Variants in WASHC5 observed in about 807,000 individuals in gnomAD.
WASHC5 encodes WASH complex subunit strumpellin.
WASHC5 carries 101 observed loss-of-function variants against 150.4 expected under a neutral mutation model. The observed-to-expected ratio is 0.67, with a 90% CI of 0.57 to 0.79. The LOEUF (loss-of-function observed/expected upper bound fraction) is 0.79, where lower values mean the gene tolerates loss of function less well. WASHC5 is among the 30% of genes least tolerant of loss of function. The probability of loss-of-function intolerance (pLI) is 0.00; values close to 1 mark genes in which losing one functional copy is unlikely to be tolerated. For missense variants in WASHC5, 1,195 were observed against 1,396.3 expected (o/e 0.86, Z 2.30); for synonymous variants, 467 against 491.2 (o/e 0.95, Z 0.65).
chr8:125,066,427 A>C (rs1019371059), intron 10 of WASHC5, among the ~76,000 whole-genome samples: 1 of 152,150 alleles, frequency 6.6e-6, no homozygotes, highest in Non-Finnish European at 1.5e-5. Flanking sequence ...TCCTGGGCCC[A>C]CCTGATCCAA....
At chr8:125,078,159 G>A (rs142400152) in intron 6 of WASHC5, among the ~76,000 whole-genome samples, 3 of 152,268 alleles carry the variant, frequency 2.0e-5, no homozygotes, top group East Asian at 3.9e-4. Context: ...AAAAGGAAGT[G>A]ACTACTACAC....
chr8:125,031,098 G>T (rs1028191481), intron 27 of WASHC5, among the ~76,000 whole-genome samples: 1 of 152,158 alleles, frequency 6.6e-6, no homozygotes, highest in African/African-American at 2.4e-5. Context: ...GTGCTGCCTG[G>T]AGAGGTAGCA....
At chr8:125,082,963 A>C (rs2130215843) in intron 3 of WASHC5, 150 bp downstream of exon 3, 1 of 571,896 alleles carries the variant, frequency 1.7e-6, no homozygotes, top group East Asian at 2.9e-5. Context: ...TAAGATGACC[A>C]GTGCCACAGG....
intron 10 of WASHC5, among the ~76,000 whole-genome samples, chr8:125,064,351 C>T (rs978717626): frequency 4.0e-5 from 6 of 151,090 alleles, no homozygotes; most frequent in Admixed American, 1.3e-4. Context: ...TATGGGCATG[C>T]GCCACTACAC....
Position 125,055,675 on chromosome 8 carries a change from T to A in WASHC5, c.2017-4A>T, listed in dbSNP as rs775033295. 2.5e-6 allele frequency: 4 copies of A among 1,581,906 alleles called. No homozygotes were observed. The highest frequency in any genetic ancestry group is 3.5e-6 in the Non-Finnish European group (4 of 1,150,980). The stretch of plus-strand genomic sequence containing the variant: ...TAGCATGAGTAAGCTTGGCAACCTA[T>A]AACAAAGAAAAAGAGGTATGAAAAA... On this transcript the variant is annotated splice_polypyrimidine_tract_variant and splice_region_variant and intron_variant, in intron 16 of 28. Coordinates refer to ENST00000318410, the MANE Select transcript of WASHC5 (RefSeq NM_014846.4).
At chr8:125,082,810 T>C (rs577683919) in intron 3 of WASHC5, 53 of 361,670 alleles carry the variant, frequency 1.5e-4, no homozygotes, top group African/African-American at 1.0e-3. Flanking sequence ...ATGATAAAGA[T>C]AAGTTCTTTT....
intron 12 of WASHC5, among the ~76,000 whole-genome samples, chr8:125,060,316 G>A (rs1489284104): frequency 6.6e-5 from 10 of 151,962 alleles, no homozygotes; most frequent in Admixed American, 2.0e-4. Flanking sequence ...GTGAAACCCC[G>A]TCTCTACTAA....
At chr8:125,052,420 T>C (rs1057178808) in intron 17 of WASHC5, among the ~76,000 whole-genome samples, 6 of 152,148 alleles carry the variant, frequency 3.9e-5, no homozygotes, top group African/African-American at 1.4e-4. Flanking sequence ...ACAGTAACTG[T>C]TTTCATATGG....
intron 17 of WASHC5, among the ~76,000 whole-genome samples, chr8:125,052,368 A>C (rs1172498316): frequency 6.6e-6 from 1 of 151,952 alleles, no homozygotes; most frequent in African/African-American, 2.4e-5. Context: ...ATCTTCACAC[A>C]CCCCTTCCTC....
intron 28 of WASHC5, among the ~76,000 whole-genome samples, chr8:125,027,184 T>C (rs901893845): frequency 1.3e-5 from 2 of 152,252 alleles, no homozygotes; most frequent in African/African-American, 4.8e-5. Flanking sequence ...GCTTGTTTTC[T>C]GATCTCTGTA....
At chr8:125,042,422 A>G (rs1436575224) in intron 23 of WASHC5, among the ~76,000 whole-genome samples, 1 of 152,192 alleles carries the variant, frequency 6.6e-6, no homozygotes, top group Non-Finnish European at 1.5e-5. Flanking sequence ...GTTGTTCCAG[A>G]TTATTAACAC....
intron 5 of WASHC5, among the ~76,000 whole-genome samples, 186 bp from the exon 6 acceptor site, chr8:125,079,116 G>GTATATATATATA (rs57043871): frequency 0.015 from 1,467 of 97,830 alleles, 27 homozygotes; most frequent in African/African-American, 0.02. Flanking sequence ...GTGTGTGTGT[G>GTATATATATATA]TATATATATA....
intron 1 of WASHC5, among the ~76,000 whole-genome samples, chr8:125,087,989 C>T (rs140618545): frequency 2.6e-4 from 39 of 152,166 alleles, no homozygotes; most frequent in Middle Eastern, 3.4e-3. Flanking sequence ...TAGAGCACCT[C>T]GGGCAGAAGT....
rs776333653 is a variant in WASHC5 at position 125,056,702 on chromosome 8, T to C, written c.1991A>G (p.Tyr664Cys). Residue 664 changes from tyrosine (Y) to cysteine (C), a missense_variant, in exon 16 of 29, where the codon TAT (tyrosine) becomes TGT (cysteine). This residue lies in a region of WASHC5 where 997 missense variants were observed against 1,168.1 expected (regional missense o/e 0.85). Transcript: ENST00000318410. ...TRLDKDKLRD[Y>C]AQLGPRYEVA... ...CTCGTATCGTGGGCCTAGCTGAGCA[T>C]AGTCCCTCAGCTTGTCTTTGTCCAG... 2.8e-5 allele frequency: 45 copies of C among 1,613,994 alleles called. No homozygotes were observed. The East Asian group carries it at 4.2e-4, about 15-fold the overall frequency.
chr8:125,049,166 T>G lies in WASHC5; in HGVS notation c.2219A>C (p.Lys740Thr), dbSNP rs1205416632. ...PRAKPSELMPKLKELGATMDG... is the reference protein window; with the variant it reads ...PRAKPSELMPTLKELGATMDG... ...CATGGTCGCTCCCAACTCTTTCAGC[T>G]TGGGCATCAATTCACTTGGCTGTGG... is the stretch of plus-strand genomic sequence containing the variant. Residue 740 changes from lysine (K) to threonine (T), a missense_variant, in exon 19 of 29, where the codon AAG becomes ACG. Around this residue, in one of 3 missense-constraint regions of WASHC5, gnomAD observed 997 missense variants for 1,168.1 expected, o/e 0.85. Coordinates refer to ENST00000318410, the MANE Select transcript of WASHC5 (RefSeq NM_014846.4). The G allele has an allele frequency of 6.2e-7, 1 of 1,614,028 alleles. No individual in the cohort carries two copies. The highest frequency in any genetic ancestry group is 8.5e-7 in the Non-Finnish European group (1 of 1,180,014).
Position 125,038,868 on chromosome 8 carries a change from A to G in WASHC5, c.3046T>C (p.Tyr1016His). Residue 1016 changes from tyrosine to histidine, a missense_variant, in exon 25 of 29, where the codon TAT (tyrosine) becomes CAT (histidine). Around this residue, in one of 3 missense-constraint regions of WASHC5, gnomAD observed 997 missense variants for 1,168.1 expected, o/e 0.85. Transcript: ENST00000318410. ...DNTLLYEITAYLEAAGIHNPL... is the reference protein window; with the variant it reads ...DNTLLYEITAHLEAAGIHNPL... Reference sequence around the variant, plus strand: ...TTGTGAATGCCAGCTGCCTCCAGATAGGCTGTGATTTCATATAAAAGTGTG... The same window carrying G: ...TTGTGAATGCCAGCTGCCTCCAGATGGGCTGTGATTTCATATAAAAGTGTG... 6.2e-7 allele frequency: 1 copy of G among 1,614,088 alleles called. No homozygotes were observed. Among genetic ancestry groups the G allele is most frequent in the Non-Finnish European group, 8.5e-7 (1 of 1,179,944 alleles).
chr8:125,075,160 G>T, intron 7 of WASHC5, 49 bp from the exon 8 acceptor site: 1 of 1,131,248 alleles, frequency 8.8e-7, no homozygotes, highest in Non-Finnish European at 1.4e-6. Flanking sequence ...TCACTTCAAG[G>T]CAAAGGGTTG....
chr8:125,056,949 C>CTCT, intron 15 of WASHC5, 132 bp from the exon 16 acceptor site: 1 of 986,180 alleles, frequency 1.0e-6, no homozygotes, highest in Non-Finnish European at 1.6e-6. Context: ...TTAATAACTG[C>CTCT]TGGCAGGCAC....
intron 11 of WASHC5, 90 bp from the exon 12 acceptor site, chr8:125,061,284 G>A (rs1023350663): frequency 7.2e-5 from 55 of 769,134 alleles, no homozygotes; most frequent in Middle Eastern, 7.1e-4. Context: ...TATAAATTCA[G>A]TTCTTCAGAG....
Sources: gnomAD v4.1 joint callset for allele counts (sites outside exome capture counted in the v4.1 genomes callset) on GRCh38, gnomAD v4.1.1 for gene constraint, gnomAD v4.1.1 regional missense constraint, MANE v1.5 for transcripts, NCBI Gene and HGNC (gene_info 2026-07-23, HGNC 2026-07-21) for gene names.